Variants in GRM7 observed in about 807,000 individuals in gnomAD.
The protein encoded by GRM7 is metabotropic glutamate receptor 7.
A neutral mutation model predicts 84.5 loss-of-function variants in GRM7; 35 were observed. That is an observed-to-expected ratio of 0.41 (90% confidence interval 0.32 to 0.55). The LOEUF (loss-of-function observed/expected upper bound fraction) is 0.55, where lower values mean the gene tolerates loss of function less well. GRM7 is among the 20% of genes least tolerant of loss of function. The pLI is 0.19. For synonymous variants in GRM7, 487 were observed against 455.1 expected, an observed-to-expected ratio of 1.07 and a Z score of -0.89; for missense variants, 1,003 against 1,194.6, an observed-to-expected ratio of 0.84 and a Z score of 2.36.
chr3:6,985,864 C>T (rs1694389879), intron 1 of GRM7, among the ~76,000 whole-genome samples: 1 of 152,114 alleles, frequency 6.6e-6, no homozygotes, highest in Non-Finnish European at 1.5e-5. Flanking sequence ...AAATAATGTA[C>T]AAAAAGACCT....
At chr3:6,874,756 A>C (rs928235027) in intron 1 of GRM7, among the ~76,000 whole-genome samples, 1 of 152,146 alleles carries the variant, frequency 6.6e-6, no homozygotes, top group Non-Finnish European at 1.5e-5. Context: ...CTTGATTTCC[A>C]TATCTTTCTA....
chr3:6,900,414 C>T (rs887034356), intron 1 of GRM7, among the ~76,000 whole-genome samples: 1 of 152,038 alleles, frequency 6.6e-6, no homozygotes, highest in Non-Finnish European at 1.5e-5. Context: ...TTTGCACAGA[C>T]GTTAATTTAT....
At chr3:7,504,175 C>G (rs935326973) in intron 7 of GRM7, among the ~76,000 whole-genome samples, 3 of 152,024 alleles carry the variant, frequency 2.0e-5, no homozygotes, top group African/African-American at 7.2e-5. Flanking sequence ...GTAGGATTAC[C>G]TCATAAGGAT....
At chr3:7,229,720 CACACACATATATAT>C (rs1362052572) in intron 2 of GRM7, among the ~76,000 whole-genome samples, 618 of 14,200 alleles carry the variant, frequency 0.044, 31 homozygotes, top group African/African-American at 0.18. Flanking sequence ...TCTCCATAGA[CACACACATATATAT>C]ATATATATAT....
chr3:7,637,222 T>C (rs1361153324), intron 8 of GRM7, among the ~76,000 whole-genome samples: 1 of 152,186 alleles, frequency 6.6e-6, no homozygotes, highest in Admixed American at 6.5e-5. Context: ...TAGCTCACTA[T>C]AACCTTAAAT....
At chr3:7,335,458 G>GA (rs1312581909) in intron 4 of GRM7, among the ~76,000 whole-genome samples, 1 of 151,902 alleles carries the variant, frequency 6.6e-6, no homozygotes, top group African/African-American at 2.4e-5. Context: ...TAAAAAGTTT[G>GA]AAAGAGTACA....
chr3:7,087,084 C>A (rs977425219), intron 1 of GRM7, among the ~76,000 whole-genome samples: 21 of 152,130 alleles, frequency 1.4e-4, no homozygotes, highest in Non-Finnish European at 2.9e-4. Context: ...AAGTGAAAAA[C>A]TCTCACTTTT....
chr3:7,100,561 A>T (rs1179326321), intron 1 of GRM7, among the ~76,000 whole-genome samples: 2 of 151,824 alleles, frequency 1.3e-5, no homozygotes, highest in Non-Finnish European at 2.9e-5. Flanking sequence ...ATACCACAAA[A>T]ACATGGGGCT....
intron 9 of GRM7, among the ~76,000 whole-genome samples, chr3:7,705,057 T>A (rs1034111101): frequency 1.3e-5 from 2 of 152,136 alleles, no homozygotes; most frequent in Non-Finnish European, 2.9e-5. Flanking sequence ...AGGTCTTGAC[T>A]TGCTGTGCCA....
intron 1 of GRM7, among the ~76,000 whole-genome samples, chr3:6,946,717 A>C (rs986724355): frequency 1.3e-5 from 2 of 152,010 alleles, no homozygotes; most frequent in African/African-American, 4.8e-5. Context: ...CCATTTGTTT[A>C]TATCCTCTTT....
chr3:7,060,435 A>AG (rs1288973819), intron 1 of GRM7, among the ~76,000 whole-genome samples: 1 of 151,806 alleles, frequency 6.6e-6, no homozygotes, highest in Non-Finnish European at 1.5e-5. Context: ...GGTGAAAAAA[A>AG]CATATGCTGT....
chr3:6,882,673 T>G (rs1695555575), intron 1 of GRM7, among the ~76,000 whole-genome samples: 2 of 152,350 alleles, frequency 1.3e-5, no homozygotes, highest in African/African-American at 4.8e-5. Context: ...CAAGCAAATA[T>G]ATAATACTTT....
intron 4 of GRM7, among the ~76,000 whole-genome samples, chr3:7,352,535 T>C (rs1382438564): frequency 1.3e-5 from 2 of 151,960 alleles, no homozygotes; most frequent in Non-Finnish European, 2.9e-5. Context: ...TTACTGAAAA[T>C]CAAACACAAG....
intron 7 of GRM7, among the ~76,000 whole-genome samples, chr3:7,468,591 C>A (rs1698557225): frequency 6.6e-6 from 1 of 152,142 alleles, no homozygotes; most frequent in South Asian, 2.1e-4. Flanking sequence ...CTTAGTTTGT[C>A]CCATGATGAT....
chr3:7,101,009 A>G lies in GRM7; in HGVS notation c.520-45443A>G, dbSNP rs943227295. Among the ~76,000 whole-genome samples, 16 of 151,914 alleles carry G rather than the reference A, an allele frequency of 1.1e-4. 2 individuals are homozygous for G. The highest frequency in any genetic ancestry group is 5.3e-4 in the Admixed American group (8 of 15,192). ...TTTTATCCATTCTCCAGTTGATGGA[A>G]CATTTGTGTGGTTGACAGTTTTTGT... On this transcript the variant is annotated intron_variant, in intron 1 of 9. Transcript: ENST00000357716.
At chr3:7,653,179 CCTTTTTTTTTTT>C (rs1171150374) in intron 8 of GRM7, among the ~76,000 whole-genome samples, 66 of 103,002 alleles carry the variant, frequency 6.4e-4, no homozygotes, top group African/African-American at 3.5e-3. Flanking sequence ...CATACTATAT[CCTTTTTTTTTTT>C]TTTTTTTTTT....
chr3:7,662,678 T>C (rs1699520244), intron 8 of GRM7, among the ~76,000 whole-genome samples: 1 of 152,222 alleles, frequency 6.6e-6, no homozygotes, highest in South Asian at 2.1e-4. Context: ...ATAATGTACA[T>C]GACTTTTAAA....
rs528885821 is a variant in GRM7, at chr3:6,916,983, T to C, written c.519+55076T>C. On this transcript the variant is annotated intron_variant, in intron 1 of 9. Coordinates refer to ENST00000357716, the MANE Select transcript of GRM7 (RefSeq NM_000844.4). ...CTTAGGAGTTTTCAAAATTCAGATATAGATGTTTCCTTTTTATTGGGAGGA... is the reference window on the plus strand; with the variant it reads ...CTTAGGAGTTTTCAAAATTCAGATACAGATGTTTCCTTTTTATTGGGAGGA... Among the ~76,000 whole-genome samples, 27 of 152,226 alleles carry C rather than the reference T, an allele frequency of 1.8e-4. No homozygotes were observed. The South Asian group carries it at 4.8e-3, about 27-fold the overall frequency.
At chr3:6,955,296 G>A (rs1046642647) in intron 1 of GRM7, among the ~76,000 whole-genome samples, 2 of 152,220 alleles carry the variant, frequency 1.3e-5, no homozygotes, top group African/African-American at 4.8e-5. Context: ...AGCACTTTGG[G>A]AGGCCGATGC....
Sources: allele counts gnomAD v4.1 joint callset (sites outside exome capture counted in the v4.1 genomes callset), GRCh38; gene constraint gnomAD v4.1.1; transcripts MANE v1.5; gene names NCBI Gene and HGNC (gene_info 2026-07-23, HGNC 2026-07-21).